The following PTPRD variants were observed in gnomAD, a reference collection of about 807,000 sequenced individuals.
PTPRD encodes the protein receptor-type tyrosine-protein phosphatase delta.
In PTPRD, 34 loss-of-function variants were observed where a neutral mutation model predicts 214.5. The observed-to-expected ratio is 0.16, with a 90% CI of 0.12 to 0.21. PTPRD has a LOEUF of 0.21. Among genes scored for constraint, PTPRD ranks in the 10% least tolerant of loss-of-function variants. PTPRD has a pLI of 1.00. For synonymous variants in PTPRD, 1,128 were observed against 845.7 expected, an observed-to-expected ratio of 1.33 and a Z score of -5.79; for missense variants, 2,545 against 2,398.7, an observed-to-expected ratio of 1.06 and a Z score of -1.27.
intron 12 of PTPRD, among the ~76,000 whole-genome samples, chr9:8,698,061 A>G (rs933428484): frequency 2.0e-5 from 3 of 152,204 alleles, no homozygotes; most frequent in Non-Finnish European, 2.9e-5. Flanking sequence ...TTCAGTATAA[A>G]TTTGTGAAAC....
In PTPRD at chr9:9,479,349, A is replaced by T. The variant is rs970838309; in HGVS notation, c.-236-81867T>A. On this transcript the variant is annotated intron_variant, in intron 8 of 45. Transcript: ENST00000381196. ...TTCGAGAAAATGTGAAAACTGATGC[A>T]CACACACACACACACACACACACAT... 2.8e-4 allele frequency among the ~76,000 whole-genome samples: 8 copies of T among 28,506 alleles called. No homozygotes were observed. The Admixed American group carries it at 3.3e-3, about 12-fold the overall frequency. The allele number at this position is 28,506 out of a possible 152,430, so 18.7% of individuals were successfully genotyped here.
At chr9:9,712,588 G>T (rs1021899742) in intron 7 of PTPRD, among the ~76,000 whole-genome samples, 15 of 152,138 alleles carry the variant, frequency 9.9e-5, no homozygotes, top group Non-Finnish European at 1.5e-4. Context: ...GCAGACGGCA[G>T]ATCTTGCTAT....
chr9:9,665,341 A>C (rs1011101083), intron 7 of PTPRD, among the ~76,000 whole-genome samples: 6 of 151,886 alleles, frequency 4.0e-5, no homozygotes, highest in South Asian at 2.1e-4. Context: ...GTATACACTT[A>C]GAAAAGTGGC....
intron 9 of PTPRD, among the ~76,000 whole-genome samples, chr9:9,215,956 C>T (rs1286651249): frequency 6.6e-6 from 1 of 152,096 alleles, no homozygotes; most frequent in African/African-American, 2.4e-5. Context: ...TACCATAAAC[C>T]ATTTTGTGAC....
At chr9:9,488,507 G>A (rs1038765743) in intron 8 of PTPRD, among the ~76,000 whole-genome samples, 1 of 151,976 alleles carries the variant, frequency 6.6e-6, no homozygotes, top group Non-Finnish European at 1.5e-5. Flanking sequence ...GAGTTCAGAG[G>A]GCAATGAAGT....
chr9:10,580,656 C>T (rs867692645), intron 2 of PTPRD, among the ~76,000 whole-genome samples: 3 of 151,840 alleles, frequency 2.0e-5, no homozygotes, highest in Middle Eastern at 3.2e-3. Context: ...CTCTCATATT[C>T]TGAAATGTTA....
intron 9 of PTPRD, among the ~76,000 whole-genome samples, chr9:9,388,541 G>A (rs1251245771): frequency 1.3e-5 from 2 of 152,098 alleles, no homozygotes; most frequent in African/African-American, 4.8e-5. Context: ...TTAGTTTTAA[G>A]CAACAGTCAG....
intron 2 of PTPRD, among the ~76,000 whole-genome samples, chr9:10,381,644 T>G (rs746172931): frequency 6.6e-6 from 1 of 151,994 alleles, no homozygotes; most frequent in Non-Finnish European, 1.5e-5. Flanking sequence ...GGGATCACTT[T>G]ATTCTCTCTC....
intron 2 of PTPRD, among the ~76,000 whole-genome samples, chr9:10,554,914 C>G (rs1368313566): frequency 6.6e-6 from 1 of 152,164 alleles, no homozygotes; most frequent in Non-Finnish European, 1.5e-5. Context: ...CCCACCTGGG[C>G]CTCCCAAAGT....
At chr9:9,157,517 A>G (rs1159194298) in intron 10 of PTPRD, among the ~76,000 whole-genome samples, 1 of 152,162 alleles carries the variant, frequency 6.6e-6, no homozygotes, top group African/African-American at 2.4e-5. Context: ...GACAGTCTAG[A>G]AGAAATGGAT....
rs36212158 is a variant in PTPRD, at chr9:8,373,612, GGTGTGTGTGTGTGTGTGTGTGTGTGTGT to G, written c.4661+2296_4661+2323del. Reference sequence around the variant, plus strand: ...GGTGGCTTAACATAACATGGATGCGGGTGTGTGTGTGTGTGTGTGTGTGTGTGTGTGTGTGTGTGTGTGTATTTTCTCA... The same window carrying G: ...GGTGGCTTAACATAACATGGATGCGGGTGTGTGTGTGTGTGTATTTTCTCA... On this transcript the variant is annotated intron_variant, in intron 39 of 45. Coordinates refer to ENST00000381196, the MANE Select transcript of PTPRD (RefSeq NM_002839.4). Among the ~76,000 whole-genome samples the G allele has an allele frequency of 3.4e-3, 486 of 141,572 alleles. 4 individuals are homozygous for G. Among genetic ancestry groups the G allele is most frequent in the African/African-American group, 0.012 (444 of 37,982 alleles). The allele number at this position is 141,572 out of a possible 152,430, so 92.9% of individuals were successfully genotyped here.
intron 11 of PTPRD, among the ~76,000 whole-genome samples, chr9:8,805,197 A>T (rs1374281619): frequency 6.6e-6 from 1 of 152,244 alleles, no homozygotes; most frequent in Admixed American, 6.5e-5. Context: ...ACTTAATTTC[A>T]TAACAATTCT....
intron 12 of PTPRD, among the ~76,000 whole-genome samples, chr9:8,653,021 A>T (rs1464259651): frequency 1.3e-5 from 2 of 152,156 alleles, no homozygotes; most frequent in African/African-American, 4.8e-5. Context: ...TAATTTAATG[A>T]AAGGAAAGGT....
At chr9:9,113,229 C>T (rs557180396) in intron 10 of PTPRD, among the ~76,000 whole-genome samples, 17 of 152,078 alleles carry the variant, frequency 1.1e-4, no homozygotes, top group African/African-American at 3.9e-4. Context: ...TCTGCTTCAG[C>T]CCCCCGAGGT....
chr9:9,901,752 G>T (rs2153809562), intron 5 of PTPRD, among the ~76,000 whole-genome samples: 1 of 152,168 alleles, frequency 6.6e-6, no homozygotes, highest in South Asian at 2.1e-4. Context: ...AGTTCTGGAG[G>T]CTGTATGGGA....
chr9:8,836,598 T>C (rs1307301214), intron 11 of PTPRD, among the ~76,000 whole-genome samples: 1 of 112,822 alleles, frequency 8.9e-6, no homozygotes, highest in Non-Finnish European at 1.9e-5. Context: ...TTTTTTTTTT[T>C]TTTTTTTTTT....
At chr9:10,352,124 C>T (rs1022277424) in intron 2 of PTPRD, among the ~76,000 whole-genome samples, 1 of 151,994 alleles carries the variant, frequency 6.6e-6, no homozygotes, top group Non-Finnish European at 1.5e-5. Flanking sequence ...ATATTTATCT[C>T]ATTAACCTTT....
At chr9:9,316,584 C>T (rs1963273138) in intron 9 of PTPRD, among the ~76,000 whole-genome samples, 1 of 152,112 alleles carries the variant, frequency 6.6e-6, no homozygotes, top group African/African-American at 2.4e-5. Context: ...ATGAATCTTC[C>T]AATGGGCTTT....
Position 8,673,935 on chromosome 9 carries a change from C to G in PTPRD, c.65-37091G>C, listed in dbSNP as rs532667748. Reference sequence around the variant, plus strand: ...TACATGCCAGTAGCACATCCTGCCCCCTATTCTGACAACCAAAAACGTCTC... The same window carrying G: ...TACATGCCAGTAGCACATCCTGCCCGCTATTCTGACAACCAAAAACGTCTC... On this transcript the variant is annotated intron_variant, in intron 12 of 45. Coordinates refer to ENST00000381196, the MANE Select transcript of PTPRD (RefSeq NM_002839.4). Among the ~76,000 whole-genome samples, 29 of 152,218 alleles carry G rather than the reference C, an allele frequency of 1.9e-4. No individual in the cohort carries two copies. The South Asian group carries it at 4.4e-3, about 23-fold the overall frequency.
Sources: gnomAD v4.1 joint callset for allele counts (sites outside exome capture counted in the v4.1 genomes callset) on GRCh38, gnomAD v4.1.1 for gene constraint, MANE v1.5 for transcripts, NCBI Gene and HGNC (gene_info 2026-07-23, HGNC 2026-07-21) for gene names.